The following SLC8A1 variants were observed in gnomAD, a reference collection of about 807,000 sequenced individuals.
The protein encoded by SLC8A1 is solute carrier family 8 member A1.
A neutral mutation model predicts 68.3 loss-of-function variants in SLC8A1; 18 were observed. The observed-to-expected ratio is 0.26, with a 90% CI of 0.18 to 0.39. The LOEUF is 0.39. Ranked by LOEUF, SLC8A1 falls within the 10% of genes least tolerant of loss-of-function variation. The pLI, the probability that SLC8A1 is intolerant of heterozygous loss-of-function variation, is 1.00. For synonymous variants in SLC8A1, 475 were observed against 415.5 expected (o/e 1.14, Z -1.74); for missense variants, 985 against 1,156.7 (o/e 0.85, Z 2.15).
At chr2:40,425,674 G>A (rs558373924) in intron 2 of SLC8A1, among the ~76,000 whole-genome samples, 1 of 151,916 alleles carries the variant, frequency 6.6e-6, no homozygotes, top group African/African-American at 2.4e-5. Context: ...AATTTGATGA[G>A]ATATAAATTC....
intron 2 of SLC8A1, among the ~76,000 whole-genome samples, chr2:40,228,793 C>T (rs1434413458): frequency 6.6e-6 from 1 of 152,122 alleles, no homozygotes; most frequent in East Asian, 1.9e-4. Context: ...TAGACTTGAT[C>T]ACCAATCCAA....
chr2:40,365,500 C>G (rs1199713573), intron 2 of SLC8A1, among the ~76,000 whole-genome samples: 1 of 152,018 alleles, frequency 6.6e-6, no homozygotes, highest in African/African-American at 2.4e-5. Context: ...ACCTTCTGTA[C>G]TCTTAGAAGT....
At position 40,321,742 on chromosome 2, in the gene SLC8A1, G is replaced by C. The variant is rs994591818; in HGVS notation, c.1808+106731C>G. Reference sequence around the variant, plus strand: ...ACAGCATGGAGGTAGCCACCCCCATGATTCAATTACCTCCCACTGAGTCCC... The same window carrying C: ...ACAGCATGGAGGTAGCCACCCCCATCATTCAATTACCTCCCACTGAGTCCC... On this transcript the variant is annotated intron_variant, in intron 2 of 7. Transcript: ENST00000406785. Among the ~76,000 whole-genome samples the C allele has an allele frequency of 2.0e-5, 3 of 152,152 alleles. No homozygotes were observed. The South Asian group carries it at 6.2e-4, about 32-fold the overall frequency.
chr2:40,196,284 G>C (rs2053001592), intron 2 of SLC8A1, among the ~76,000 whole-genome samples: 1 of 152,010 alleles, frequency 6.6e-6, no homozygotes, highest in Admixed American at 6.6e-5. Flanking sequence ...GGTAGGGGCA[G>C]TTGTAGTGAG....
chr2:40,223,291 T>C lies in SLC8A1; in HGVS notation c.1809-45436A>G, dbSNP rs553686089. Among the ~76,000 whole-genome samples, 8 of 152,242 alleles carry C rather than the reference T, an allele frequency of 5.3e-5. No homozygotes were observed. The South Asian group carries it at 1.2e-3, about 24-fold the overall frequency. ...ACAGAAAACCAAACACCACATGTTC[T>C]CACTCATAAGTGGGAGTTGAACAAT... On this transcript the variant is annotated intron_variant, in intron 2 of 7. Coordinates refer to ENST00000406785, the Ensembl canonical transcript of SLC8A1.
At chr2:40,215,646 A>G (rs1428250509) in intron 2 of SLC8A1, among the ~76,000 whole-genome samples, 1 of 13,212 alleles carries the variant, frequency 7.6e-5, no homozygotes, top group African/African-American at 1.9e-4. Context: ...TCCGTCTCAA[A>G]AAAAAAAAAA....
At chr2:40,237,651 A>G (rs1226521522) in intron 2 of SLC8A1, among the ~76,000 whole-genome samples, 2 of 152,200 alleles carry the variant, frequency 1.3e-5, no homozygotes, top group South Asian at 2.1e-4. Flanking sequence ...CTGGTGAGGA[A>G]CTGTGTTCCT....
At chr2:40,103,226 T>A (rs974545243) in exon 8 of SLC8A1, 2 of 152,226 alleles carry the variant, frequency 1.3e-5, no homozygotes, top group Non-Finnish European at 2.9e-5. Context: ...CAGAGTTCAC[T>A]ATGGTTGCTT....
Position 40,397,552 on chromosome 2 carries a change from T to C in SLC8A1, c.1808+30921A>G, listed in dbSNP as rs1687381993. Reference sequence around the variant, plus strand: ...ATCTACGCACTTGAAAGTTTTCATGTTATCATTACTATGTATCCACATACA... The same window carrying C: ...ATCTACGCACTTGAAAGTTTTCATGCTATCATTACTATGTATCCACATACA... On this transcript the variant is annotated intron_variant, in intron 2 of 7. Coordinates refer to ENST00000406785, the Ensembl canonical transcript of SLC8A1. Among the ~76,000 whole-genome samples, 6 of 152,218 alleles carry C rather than the reference T, an allele frequency of 3.9e-5. No individual in the cohort carries two copies. The South Asian group carries it at 1.2e-3, about 32-fold the overall frequency.
At chr2:40,414,681 T>C (rs1693261924) in intron 2 of SLC8A1, among the ~76,000 whole-genome samples, 1 of 152,166 alleles carries the variant, frequency 6.6e-6, no homozygotes, top group Non-Finnish European at 1.5e-5. Context: ...CTTAGGTACT[T>C]TTTCAATAAC....
At chr2:40,377,456 C>G (rs1367025095) in intron 2 of SLC8A1, among the ~76,000 whole-genome samples, 1 of 152,022 alleles carries the variant, frequency 6.6e-6, no homozygotes, top group Admixed American at 6.6e-5. Context: ...TTTTAAGCCA[C>G]TATATTTCTG....
intron 7 of SLC8A1, among the ~76,000 whole-genome samples, chr2:40,134,838 T>G (rs2040175485): frequency 1.3e-5 from 2 of 152,064 alleles, no homozygotes; most frequent in Admixed American, 6.6e-5. Flanking sequence ...AGGCACTAGA[T>G]TAGTGGACAG....
intron 2 of SLC8A1, among the ~76,000 whole-genome samples, chr2:40,428,215 T>G (rs1381584704): frequency 6.6e-6 from 1 of 152,144 alleles, no homozygotes; most frequent in African/African-American, 2.4e-5. Flanking sequence ...ATAGTCACAA[T>G]GTAGTTAAAA....
intron 2 of SLC8A1, among the ~76,000 whole-genome samples, chr2:40,415,846 T>A (rs1246813613): frequency 7.0e-6 from 1 of 143,744 alleles, no homozygotes; most frequent in Non-Finnish European, 1.5e-5. Context: ...AAACCCCATC[T>A]CTACTAAAAG....
At chr2:40,174,744 G>A (rs2048170104) in intron 4 of SLC8A1, 24 bp from the exon 6 acceptor site, 1 of 1,565,066 alleles carries the variant, frequency 6.4e-7, no homozygotes, top group African/African-American at 1.4e-5. Context: ...AAATAAAAAT[G>A]AGAAATTTTT....
intron 1 of SLC8A1, among the ~76,000 whole-genome samples, chr2:40,492,945 C>T (rs1705418945): frequency 6.6e-6 from 1 of 152,022 alleles, no homozygotes; most frequent in South Asian, 2.1e-4. Context: ...GGCCATTCCT[C>T]AGGGATCTAG....
At chr2:40,467,822 TACC>T (rs201180327) in intron 1 of SLC8A1, among the ~76,000 whole-genome samples, 1 of 152,326 alleles carries the variant, frequency 6.6e-6, no homozygotes, top group Non-Finnish European at 1.5e-5. Context: ...ATTTTATGGT[TACC>T]ACCTTTGCAA....
intron 1 of SLC8A1, among the ~76,000 whole-genome samples, chr2:40,464,617 G>C (rs1703552659): frequency 6.6e-6 from 1 of 152,212 alleles, no homozygotes; most frequent in South Asian, 2.1e-4. Flanking sequence ...AAAGACTACA[G>C]AGGAGGAATG....
At chr2:40,298,594 G>C (rs1333114031) in intron 2 of SLC8A1, among the ~76,000 whole-genome samples, 1 of 152,038 alleles carries the variant, frequency 6.6e-6, no homozygotes, top group Non-Finnish European at 1.5e-5. Context: ...TAATCTTCTC[G>C]ATTAGTTCCA....
Sources: allele counts gnomAD v4.1 joint callset (sites outside exome capture counted in the v4.1 genomes callset), GRCh38; gene constraint gnomAD v4.1.1; transcripts MANE v1.5; gene names NCBI Gene and HGNC (gene_info 2026-07-23, HGNC 2026-07-21).